USHBP1: variants seen among roughly 807,000 people sequenced by gnomAD.
USHBP1 encodes USH1 protein network component harmonin binding protein 1.
USHBP1 carries 67 observed loss-of-function variants against 76.2 expected under a neutral mutation model. The ratio of observed to expected loss-of-function variants is 0.88; its 90% CI spans 0.72 to 1.08. USHBP1 has a LOEUF of 1.08. USHBP1 is among the 50% of genes least tolerant of loss of function. USHBP1 has a pLI of 0.00. For missense variants in USHBP1, 931 were observed against 915.0 expected (o/e 1.02, Z -0.23); for synonymous variants, 322 against 362.2 (o/e 0.89, Z 1.26).
intron 3 of USHBP1, chr19:17,263,754 C>G (rs2073718748): frequency 2.2e-6 from 1 of 459,592 alleles, no homozygotes; most frequent in Non-Finnish European, 3.8e-6. Flanking sequence ...CACCTGTAAT[C>G]CCAACTACTC....
At chr19:17,253,581 G>A (rs928968045) in intron 10 of USHBP1, among the ~76,000 whole-genome samples, 4 of 149,590 alleles carry the variant, frequency 2.7e-5, no homozygotes, top group Non-Finnish European at 5.9e-5. Flanking sequence ...GAGCCACCGT[G>A]CCTGGCCAAT....
chr19:17,253,920 A>C (rs1185350363), intron 10 of USHBP1, among the ~76,000 whole-genome samples: 1 of 150,636 alleles, frequency 6.6e-6, no homozygotes, highest in Admixed American at 6.6e-5. Context: ...GAAAAAAAAA[A>C]TTAAAGGCCA....
rs957553367 is a variant in USHBP1 at position 17,250,365 on chromosome 19, G to C, written c.1972C>G (p.Arg658Gly). The C allele has an allele frequency of 6.2e-7, 1 of 1,613,664 alleles. No homozygotes were observed. The highest frequency in any genetic ancestry group is 8.5e-7 in the Non-Finnish European group (1 of 1,179,936). ...RGAHRKQEEQ[R>G]RKLEQQMALM... ...GCCATCTGCTGCTCCAACTTCCGGC[G>C]TTGCTCTTCCTGCTTCCGGTGGGCT... Residue 658 changes from arginine to glycine, a missense_variant, in exon 13 of 13, where the codon CGC (arginine) becomes GGC (glycine). Transcript: ENST00000252597.
At chr19:17,253,341 T>G (rs2073577559) in intron 10 of USHBP1, among the ~76,000 whole-genome samples, 1 of 148,460 alleles carries the variant, frequency 6.7e-6, no homozygotes, top group African/African-American at 2.5e-5. Context: ...CAGGCTGGAG[T>G]GCAGTGGCGC....
In USHBP1 at chr19:17,249,180, T is replaced by C. The variant is rs1054780895; in HGVS notation, c.*1045A>G. On this transcript the variant is annotated 3_prime_UTR_variant, in exon 13 of 13. Coordinates refer to ENST00000252597, the MANE Select transcript of USHBP1 (RefSeq NM_031941.4). ...GCTTCAGTCTCCCTCCTTTTTGTTT[T>C]GTTTTGTGTTTTATTTATTTATTTA... 6.6e-6 allele frequency: 1 copy of C among 152,110 alleles called. No homozygotes were observed. The highest frequency in any genetic ancestry group is 1.5e-5 in the Non-Finnish European group (1 of 68,036). The allele number at this position is 152,110 out of a possible 1,614,324, so 9.4% of individuals were successfully genotyped here.
chr19:17,258,310 G>A lies in USHBP1; in HGVS notation c.1122C>T (p.Pro374=), dbSNP rs932424111. Residue 374 remains proline (P), a synonymous_variant, in exon 8 of 13, where the codon CCC becomes CCT. Coordinates refer to ENST00000252597, the MANE Select transcript of USHBP1 (RefSeq NM_031941.4). Reference sequence around the variant, plus strand: ...TTTCAGCTGCTTGCAGGTCACTCATGGGGGCTTCGTCTCCTGCTCCTGAGT... The same window carrying A: ...TTTCAGCTGCTTGCAGGTCACTCATAGGGGCTTCGTCTCCTGCTCCTGAGT... ...EADSGAGDEA[P]MSDLQAAEKE... 6.2e-7 allele frequency: 1 copy of A among 1,613,924 alleles called. No homozygotes were observed. The highest frequency in any genetic ancestry group is 1.7e-5 in the Admixed American group (1 of 59,976).
rs150988345 is a variant in USHBP1, at chr19:17,264,246, G to A, written c.54C>T (p.Pro18=). ...PRSRRGRHAP[P]GELDPVAESS... ...GTGGAGGGGAGAGGGTGACACTTAC[G>A]GGTGGAGCATGCCTCCCTCGCCGGC... Residue 18 remains proline, a splice_region_variant and synonymous_variant, in exon 2 of 13, where the codon CCC becomes CCT. Transcript: ENST00000252597. 3.1e-4 allele frequency: 494 copies of A among 1,613,940 alleles called. 2 individuals are homozygous for A. The African/African-American group carries it at 5.5e-3, about 18-fold the overall frequency.
At chr19:17,252,073 G>T in intron 10 of USHBP1, 56 bp from the exon 11 acceptor site, 1 of 1,495,438 alleles carries the variant, frequency 6.7e-7, no homozygotes. Context: ...TCCGTGCTTG[G>T]CCCACACTGG....
Position 17,250,553 on chromosome 19 carries a change from T to C in USHBP1, c.1923-139A>G, listed in dbSNP as rs375110161. 7 of 993,498 alleles carry C rather than the reference T, an allele frequency of 7.0e-6. No individual in the cohort carries two copies. The East Asian group carries it at 1.3e-4, about 19-fold the overall frequency. The allele number at this position is 993,498 out of a possible 1,614,324, so 61.5% of individuals were successfully genotyped here. ...CCAGCTAGCTGGTCTTTTGTTGTTG[T>C]TGTTGTTGTTGTTTGAGACAGAATT... On this transcript the variant is annotated intron_variant, in intron 12 of 12. Transcript: ENST00000252597.
Position 17,250,145 on chromosome 19 carries a change from A to G in USHBP1, c.*80T>C. 1 of 1,478,380 alleles carries G rather than the reference A, an allele frequency of 6.8e-7. No homozygotes were observed. Among genetic ancestry groups the G allele is most frequent in the Non-Finnish European group, 9.1e-7 (1 of 1,102,032 alleles). The allele number at this position is 1,478,380 out of a possible 1,614,324, so 91.6% of individuals were successfully genotyped here. A position where few individuals can be genotyped will look rare whatever the true frequency, so the allele number is the denominator to read the frequency against. On this transcript the variant is annotated 3_prime_UTR_variant, in exon 13 of 13. Coordinates refer to ENST00000252597, the MANE Select transcript of USHBP1 (RefSeq NM_031941.4). ...GTGCCCCAACATGCCAAATCATGCAACATGACATGATGTCACTCCAGGACA... is the reference window on the plus strand; with the variant it reads ...GTGCCCCAACATGCCAAATCATGCAGCATGACATGATGTCACTCCAGGACA...
intron 3 of USHBP1, chr19:17,263,732 T>G: frequency 2.7e-6 from 1 of 369,316 alleles, no homozygotes; most frequent in Non-Finnish European, 4.8e-6. Flanking sequence ...CTTAGCCGGA[T>G]GTGGTGGCGC....
intron 1 of USHBP1, 57 bp downstream of exon 1, chr19:17,264,614 C>T: frequency 2.4e-6 from 1 of 415,116 alleles, no homozygotes; most frequent in Non-Finnish European, 4.3e-6. Flanking sequence ...GGAATGCGAT[C>T]TCAAGAATTC....
At position 17,252,036 on chromosome 19, in the gene USHBP1, A is replaced by G; in HGVS notation, c.1693-19T>C. 2 of 1,545,020 alleles carry G rather than the reference A, an allele frequency of 1.3e-6. No individual in the cohort carries two copies. Among genetic ancestry groups the G allele is most frequent in the South Asian group, 2.4e-5 (2 of 83,986 alleles). ...GAAGGCCCTAAGGGAGGCAGAAGAC[A>G]AGAAAGTGACATTAACCTAGGCCAA... On this transcript the variant is annotated intron_variant, in intron 10 of 12. Transcript: ENST00000252597.
chr19:17,264,035 A>G lies in USHBP1; in HGVS notation c.170T>C (p.Met57Thr). The G allele has an allele frequency of 1.2e-6, 2 of 1,609,608 alleles. No individual in the cohort carries two copies. Among genetic ancestry groups the G allele is most frequent in the Non-Finnish European group, 1.7e-6 (2 of 1,177,826 alleles). Residue 57 changes from methionine to threonine, a missense_variant, in exon 3 of 13, where the codon ATG (methionine) becomes ACG (threonine). Coordinates refer to ENST00000252597, the MANE Select transcript of USHBP1 (RefSeq NM_031941.4). ...VSSGLEQLGP[M>T]EEVSGQGLGS... ...TAGGCCTTGGCCACTGACCTCCTCC[A>G]TGGGGCCCAGCTGCTCCAGCCCGGA... is the stretch of plus-strand genomic sequence containing the variant.
intron 8 of USHBP1, 72 bp from the exon 9 acceptor site, chr19:17,256,792 G>A (rs1325421501): frequency 6.3e-7 from 1 of 1,599,634 alleles, no homozygotes; most frequent in Non-Finnish European, 8.5e-7. Context: ...GCCAATCCTG[G>A]TAGGGTCCAT....
intron 10 of USHBP1, among the ~76,000 whole-genome samples, chr19:17,252,439 T>C (rs2073564838): frequency 6.6e-6 from 1 of 151,454 alleles, no homozygotes; most frequent in Admixed American, 6.6e-5. Context: ...AAAAATAAAA[T>C]TTAGGGGCCA....
At chr19:17,254,822 C>A (rs1210708032) in intron 10 of USHBP1, among the ~76,000 whole-genome samples, 1 of 151,952 alleles carries the variant, frequency 6.6e-6, no homozygotes, top group African/African-American at 2.4e-5. Flanking sequence ...AACAGGAAAC[C>A]GCATCTGAAG....
At chr19:17,252,514 G>T (rs879586378) in intron 10 of USHBP1, among the ~76,000 whole-genome samples, 1 of 152,002 alleles carries the variant, frequency 6.6e-6, no homozygotes, top group African/African-American at 2.4e-5. Context: ...ATCACTTGAG[G>T]TCAGGCGTTC....
chr19:17,253,440 C>T (rs1484334616), intron 10 of USHBP1, among the ~76,000 whole-genome samples: 2 of 150,390 alleles, frequency 1.3e-5, no homozygotes, highest in Non-Finnish European at 3.0e-5. Flanking sequence ...AGGCACGTGC[C>T]ACCATGCCCA....
Sources: gnomAD v4.1 joint callset for allele counts (sites outside exome capture counted in the v4.1 genomes callset) on GRCh38, gnomAD v4.1.1 for gene constraint, MANE v1.5 for transcripts, NCBI Gene and HGNC (gene_info 2026-07-23, HGNC 2026-07-21) for gene names.